The following CYB5RL variants were observed in gnomAD, a reference collection of about 807,000 sequenced individuals.
The protein encoded by CYB5RL is cytochrome b5 reductase like.
A neutral mutation model predicts 37.5 loss-of-function variants in CYB5RL; 38 were observed. The observed-to-expected ratio is 1.01, with a 90% CI of 0.78 to 1.33. The LOEUF (loss-of-function observed/expected upper bound fraction) is 1.33. Among genes scored for constraint, CYB5RL ranks in the 40% most tolerant of loss-of-function variants. The pLI, the probability that CYB5RL is intolerant of heterozygous loss-of-function variation, is 0.00. For synonymous variants in CYB5RL, 141 were observed against 151.9 expected (o/e 0.93, Z 0.53); for missense variants, 388 against 394.4 (o/e 0.98, Z 0.14).
At chr1:54,186,538 T>C (rs573400520) in intron 5 of CYB5RL, among the ~76,000 whole-genome samples, 19 of 152,360 alleles carry the variant, frequency 1.2e-4, no homozygotes, top group South Asian at 8.3e-4. Context: ...AGAGGCTTTC[T>C]AGCAAACGAA....
At position 54,174,666 on chromosome 1, in the gene CYB5RL, A is replaced by C. The variant is rs1570094827; in HGVS notation, c.901T>G (p.Cys301Gly). 1 of 1,613,200 alleles carries C rather than the reference A, an allele frequency of 6.2e-7. No individual in the cohort carries two copies. The highest frequency in any genetic ancestry group is 8.5e-7 in the Non-Finnish European group (1 of 1,179,610). The change falls in exon 8 of 8, where the codon TGC (cysteine) becomes GGC (glycine). Residue 301 changes from cysteine (C) to glycine (G), a missense_variant. Coordinates refer to ENST00000534324, the MANE Select transcript of CYB5RL (RefSeq NM_001031672.4). ...TCAGTGAGGCCTGCGCACAGTAAGC[A>C]CCTGGCTATGTCTTTGGTGAACTCA... Reference protein sequence around the residue: ...SAEFTKDIARCLLCAGLTEDS... With the variant: ...SAEFTKDIARGLLCAGLTEDS...
At chr1:54,179,668 G>A (rs970178788) in intron 6 of CYB5RL, among the ~76,000 whole-genome samples, 1 of 152,152 alleles carries the variant, frequency 6.6e-6, no homozygotes, top group Non-Finnish European at 1.5e-5. Flanking sequence ...CTACTGACAG[G>A]GGGCTCATTA....
At chr1:54,191,028 C>G (rs895011170) in intron 3 of CYB5RL, 132 bp from the exon 4 acceptor site, 99 of 1,207,492 alleles carry the variant, frequency 8.2e-5, no homozygotes, top group Non-Finnish European at 1.1e-4. Context: ...TGGACACTAG[C>G]CTCACCTTAC....
chr1:54,180,390 G>A (rs1381098383), intron 6 of CYB5RL, among the ~76,000 whole-genome samples: 3 of 151,958 alleles, frequency 2.0e-5, no homozygotes, highest in Non-Finnish European at 4.4e-5. Flanking sequence ...CGGTTCACGA[G>A]GTCAGGAGAT....
intron 1 of CYB5RL, among the ~76,000 whole-genome samples, chr1:54,197,891 G>A (rs1644023854): frequency 6.6e-6 from 1 of 151,794 alleles, no homozygotes; most frequent in African/African-American, 2.4e-5. Context: ...AGCCGGGCAT[G>A]GTGGTGGGCA....
chr1:54,182,611 A>G (rs1281164945), intron 6 of CYB5RL, among the ~76,000 whole-genome samples: 3 of 152,116 alleles, frequency 2.0e-5, no homozygotes, highest in South Asian at 4.1e-4. Flanking sequence ...GTGCAGCGGC[A>G]TGATCTCAGC....
At chr1:54,198,943 C>T (rs939879311) in intron 1 of CYB5RL, among the ~76,000 whole-genome samples, 12 of 152,192 alleles carry the variant, frequency 7.9e-5, no homozygotes, top group African/African-American at 2.9e-4. Flanking sequence ...GACTTCTCCA[C>T]GTTTTAACAG....
Position 54,184,243 on chromosome 1 carries a change from G to A in CYB5RL, c.458C>T (p.Ser153Phe), listed in dbSNP as rs183862699. The A allele has an allele frequency of 4.9e-5, 79 of 1,613,676 alleles. No homozygotes were observed. In the African/African-American group the frequency reaches 8.8e-4, roughly 18 times the overall value. The part of the protein sequence containing the change: ...LIKCYQMGLM[S>F]RYVESWRVGD... ...TACTCTCCAGGACTCAACATACCGG[G>A]ACATCAGCCCCATCTGGTAGCACTG... Residue 153 changes from serine to phenylalanine, a missense_variant, in exon 6 of 8, where the codon TCC becomes TTC. By Grantham distance (155) the Ser-to-Phe change is radical. Transcript: ENST00000534324.
chr1:54,196,768 A>C (rs970874169), intron 1 of CYB5RL, among the ~76,000 whole-genome samples: 1 of 152,210 alleles, frequency 6.6e-6, no homozygotes, highest in Non-Finnish European at 1.5e-5. Context: ...AAATGGTGGC[A>C]ACCAGGGTTT....
Position 54,171,503 on chromosome 1 carries a change from T to C in CYB5RL, c.*3116A>G. The C allele has an allele frequency of 2.2e-6, 1 of 446,694 alleles. No homozygotes were observed. Among genetic ancestry groups the C allele is most frequent in the South Asian group, 1.6e-5 (1 of 63,726 alleles). 27.7% of individuals were successfully genotyped at this position (446,694 alleles called of 1,614,324 possible). The stretch of plus-strand genomic sequence containing the variant: ...AACACAGAAGTGACGTTGGTAAACA[T>C]GGTGAGGGCTGAACTAAAGCCAATG... On this transcript the variant is annotated 3_prime_UTR_variant, in exon 8 of 8. Transcript: ENST00000534324.
rs570508400 is a variant in CYB5RL at position 54,197,834 on chromosome 1, A to T, written c.-222-1343T>A. 1.1e-4 allele frequency among the ~76,000 whole-genome samples: 16 copies of T among 152,090 alleles called. No homozygotes were observed. The South Asian group carries it at 1.2e-3, about 12-fold the overall frequency. On this transcript the variant is annotated intron_variant, in intron 1 of 7. Coordinates refer to ENST00000534324, the MANE Select transcript of CYB5RL (RefSeq NM_001031672.4). Reference sequence around the variant, plus strand: ...CAGGAGATCAAGACCATCCTGGCTAACACGGTGAAACCCCGTCTCTGCTAA... The same window carrying T: ...CAGGAGATCAAGACCATCCTGGCTATCACGGTGAAACCCCGTCTCTGCTAA...
rs114884158 is a variant in CYB5RL at position 54,182,265 on chromosome 1, T to C, written c.540+1896A>G. Among the ~76,000 whole-genome samples the C allele has an allele frequency of 3.5e-3, 537 of 152,330 alleles. 1 individual carries two copies. Among genetic ancestry groups the C allele is most frequent in the African/African-American group, 0.012 (504 of 41,562 alleles). ...CACCTAAGAGCTGCTGTGAAGACTA[T>C]GTGAGTTACCATATAGCAAGTGCTA... On this transcript the variant is annotated intron_variant, in intron 6 of 7. Coordinates refer to ENST00000534324, the MANE Select transcript of CYB5RL (RefSeq NM_001031672.4).
At position 54,172,133 on chromosome 1, in the gene CYB5RL, C is replaced by A; in HGVS notation, c.*2486G>T. 6.6e-6 allele frequency: 1 copy of A among 152,438 alleles called. No homozygotes were observed. Among genetic ancestry groups the A allele is most frequent in the East Asian group, 1.9e-4 (1 of 5,144 alleles). 9.4% of individuals were successfully genotyped at this position (152,438 alleles called of 1,614,324 possible). The stretch of plus-strand genomic sequence containing the variant: ...CGAGAACTGCCCCGGACTCTCTACT[C>A]CTTAAGTGGAGACCCCCTTAACACT... On this transcript the variant is annotated 3_prime_UTR_variant, in exon 8 of 8. Transcript: ENST00000534324.
Position 54,187,631 on chromosome 1 carries a change from C to T in CYB5RL, c.435+21G>A, listed in dbSNP as rs369923743. ...ATAGCTTCTCCACGGCATCTTGGAGCATCCTCAAGGGTCAACTCACCTTAA... is the reference window on the plus strand; with the variant it reads ...ATAGCTTCTCCACGGCATCTTGGAGTATCCTCAAGGGTCAACTCACCTTAA... On this transcript the variant is annotated intron_variant, in intron 5 of 7. Transcript: ENST00000534324. 5.1e-5 allele frequency: 82 copies of T among 1,610,968 alleles called. 2 individuals carry two copies. The highest frequency in any genetic ancestry group is 1.6e-4 in the Middle Eastern group (1 of 6,076).
chr1:54,199,810 C>G (rs976729833), intron 1 of CYB5RL, among the ~76,000 whole-genome samples, 166 bp downstream of exon 1: 1 of 152,200 alleles, frequency 6.6e-6, no homozygotes, highest in Non-Finnish European at 1.5e-5. Flanking sequence ...GCGCGCTGTA[C>G]AGGTGCAACA....
In CYB5RL at chr1:54,184,406, A is replaced by G. The variant is rs1660240936; in HGVS notation, c.436-141T>C. ...CATTTAATCGTCCTCCTTATCCTAC[A>G]AAGTTGGTACAGCCATTCCCAATTT... is the stretch of plus-strand genomic sequence containing the variant. On this transcript the variant is annotated intron_variant, in intron 5 of 7. Transcript: ENST00000534324. The G allele has an allele frequency of 5.7e-6, 4 of 707,158 alleles. No homozygotes were observed. In the East Asian group the frequency reaches 1.2e-4, roughly 20 times the overall value. 43.8% of individuals were successfully genotyped at this position (707,158 alleles called of 1,614,324 possible).
rs1283683925 is a variant in CYB5RL, at chr1:54,171,578, C to T, written c.*3041G>A. On this transcript the variant is annotated 3_prime_UTR_variant, in exon 8 of 8. Transcript: ENST00000534324. ...CCTCAGGCCCTCTAGTAGCTGTTGC[C>T]TTCCTGAAGCTTGGGATGCATATGC... is the stretch of plus-strand genomic sequence containing the variant. The T allele has an allele frequency of 1.6e-5, 6 of 379,026 alleles. No homozygotes were observed. The highest frequency in any genetic ancestry group is 1.9e-3 in the Middle Eastern group (2 of 1,078). The allele number at this position is 379,026 out of a possible 1,614,324, so 23.5% of individuals were successfully genotyped here. A position where few individuals can be genotyped will look rare whatever the true frequency, so the allele number is the denominator to read the frequency against.
intron 3 of CYB5RL, among the ~76,000 whole-genome samples, 156 bp from the exon 4 acceptor site, chr1:54,191,052 T>C (rs1643948047): frequency 6.6e-6 from 1 of 152,204 alleles, no homozygotes; most frequent in African/African-American, 2.4e-5. Context: ...CCTTTCAAAA[T>C]TGGATCTAAG....
At chr1:54,195,010 A>G (rs1643993297) in intron 3 of CYB5RL, among the ~76,000 whole-genome samples, 1 of 152,252 alleles carries the variant, frequency 6.6e-6, no homozygotes, top group South Asian at 2.1e-4. Flanking sequence ...CAGCCCTAAC[A>G]TCCTTTATTT....
Sources: gnomAD v4.1 joint callset for allele counts (sites outside exome capture counted in the v4.1 genomes callset) on GRCh38, gnomAD v4.1.1 for gene constraint, MANE v1.5 for transcripts, NCBI Gene and HGNC (gene_info 2026-07-23, HGNC 2026-07-21) for gene names.